NCAM1: variants seen among roughly 807,000 people sequenced by gnomAD.
NCAM1 encodes neural cell adhesion molecule 1, also known as antigen recognized by monoclonal antibody 5.1H11.
Under a neutral mutation model 109.8 loss-of-function variants are expected in NCAM1, and 14 were observed. The observed-to-expected ratio is 0.13, with a 90% CI of 0.08 to 0.20. NCAM1 has a LOEUF of 0.20. Ranked by LOEUF, NCAM1 falls within the 10% of genes least tolerant of loss-of-function variation. NCAM1 has a pLI of 1.00. For synonymous variants in NCAM1, 418 were observed against 442.9 expected, an observed-to-expected ratio of 0.94 and a Z score of 0.70; for missense variants, 774 against 1,109.9, an observed-to-expected ratio of 0.70 and a Z score of 4.30.
chr11:112,973,049 C>T (rs1277250284), intron 1 of NCAM1, among the ~76,000 whole-genome samples: 17 of 152,108 alleles, frequency 1.1e-4, no homozygotes, highest in African/African-American at 4.1e-4. Context: ...CTTCATTTAT[C>T]ATATGAGTTG....
At chr11:113,215,226 G>A (rs1218445957) in intron 8 of NCAM1, among the ~76,000 whole-genome samples, 2 of 152,202 alleles carry the variant, frequency 1.3e-5, no homozygotes, top group African/African-American at 4.8e-5. Flanking sequence ...TATAAAAACT[G>A]AGGTGACCCC....
At chr11:113,243,005 G>C in intron 14 of NCAM1, 1 of 983,886 alleles carries the variant, frequency 1.0e-6, no homozygotes, top group Non-Finnish European at 1.2e-6. Context: ...TAAGCATGCC[G>C]TCTGCTTGGC....
At chr11:113,090,782 C>G (rs1463587033) in intron 1 of NCAM1, among the ~76,000 whole-genome samples, 5 of 152,202 alleles carry the variant, frequency 3.3e-5, no homozygotes, top group African/African-American at 1.2e-4. Context: ...AGTAGCACTT[C>G]TAGGCATAGT....
chr11:113,213,627 C>G (rs1312197010), intron 7 of NCAM1, among the ~76,000 whole-genome samples: 1 of 152,138 alleles, frequency 6.6e-6, no homozygotes, highest in Non-Finnish European at 1.5e-5. Flanking sequence ...CCCTCCTTGC[C>G]CTCTGTTCAG....
chr11:113,193,298 C>T (rs1444356220), intron 1 of NCAM1, among the ~76,000 whole-genome samples: 1 of 152,206 alleles, frequency 6.6e-6, no homozygotes, highest in African/African-American at 2.4e-5. Context: ...CTGTCTCCTG[C>T]TCTTGCTTAT....
chr11:113,240,598 C>A (rs17115246), intron 14 of NCAM1: 1 of 619,658 alleles, frequency 1.6e-6, no homozygotes, highest in Middle Eastern at 3.6e-4. Flanking sequence ...CAAGGTTTGA[C>A]GTTAGAGAGA....
At chr11:113,032,579 T>C (rs1334583333) in intron 1 of NCAM1, among the ~76,000 whole-genome samples, 4 of 152,230 alleles carry the variant, frequency 2.6e-5, no homozygotes, top group African/African-American at 4.8e-5. Context: ...TTTCTTTTCC[T>C]ATGTGCCCAG....
intron 1 of NCAM1, among the ~76,000 whole-genome samples, chr11:113,173,485 GTC>G (rs1943051041): frequency 6.6e-6 from 1 of 151,272 alleles, no homozygotes; most frequent in African/African-American, 2.4e-5. Flanking sequence ...TATGTGCGTG[GTC>G]TCTGCTGTTT....
intron 1 of NCAM1, among the ~76,000 whole-genome samples, chr11:113,182,882 G>T (rs984724472): frequency 3.3e-5 from 5 of 152,224 alleles, no homozygotes; most frequent in Non-Finnish European, 7.3e-5. Context: ...GCCACCATCA[G>T]TGAAGATTGG....
intron 15 of NCAM1, 82 bp from the exon 16 acceptor site, chr11:113,255,795 C>A: frequency 6.7e-7 from 1 of 1,498,368 alleles, no homozygotes; most frequent in Non-Finnish European, 9.1e-7. Flanking sequence ...TCCAGCCCCA[C>A]CCTGTCACTC....
rs183934380 is a variant in NCAM1, at chr11:113,169,359, C to G, written c.53-33020C>G. ...GCAGATTGGCTCCACATTAATAATGCAGAGAGAAAAGATGTTTGCTTAGAA... is the reference window on the plus strand; with the variant it reads ...GCAGATTGGCTCCACATTAATAATGGAGAGAGAAAAGATGTTTGCTTAGAA... On this transcript the variant is annotated intron_variant, in intron 1 of 19. Coordinates refer to ENST00000316851, the MANE Select transcript of NCAM1 (RefSeq NM_181351.5). Among the ~76,000 whole-genome samples, 32 of 152,252 alleles carry G rather than the reference C, an allele frequency of 2.1e-4. 1 individual carries two copies. Among genetic ancestry groups the G allele is most frequent in the Non-Finnish European group, 3.4e-4 (23 of 68,028 alleles).
At chr11:113,169,709 C>A (rs2136445447) in intron 1 of NCAM1, among the ~76,000 whole-genome samples, 1 of 150,214 alleles carries the variant, frequency 6.7e-6, no homozygotes, top group African/African-American at 2.4e-5. Flanking sequence ...CTCACTGCAA[C>A]CTCGGCCTTC....
At chr11:113,188,365 A>G (rs1174711744) in intron 1 of NCAM1, among the ~76,000 whole-genome samples, 1 of 152,212 alleles carries the variant, frequency 6.6e-6, no homozygotes, top group African/African-American at 2.4e-5. Flanking sequence ...ATCTAAGAGC[A>G]GACAGATGTG....
intron 1 of NCAM1, among the ~76,000 whole-genome samples, chr11:112,984,725 G>A (rs61902760): frequency 0.14 from 20,720 of 151,742 alleles, 1,772 homozygotes; most frequent in South Asian, 0.4. Context: ...CAGATCCTTT[G>A]CCCATTTTTA....
At chr11:113,214,180 G>T (rs1425423550) in intron 7 of NCAM1, among the ~76,000 whole-genome samples, 189 bp from the exon 8 acceptor site, 2 of 152,172 alleles carry the variant, frequency 1.3e-5, no homozygotes, top group African/African-American at 4.8e-5. Flanking sequence ...TGATTATTAT[G>T]GTTTCCGTGT....
intron 1 of NCAM1, among the ~76,000 whole-genome samples, chr11:113,193,609 A>C (rs1482074712): frequency 6.6e-6 from 1 of 152,122 alleles, no homozygotes; most frequent in Non-Finnish European, 1.5e-5. Context: ...AGCGAGATCC[A>C]GCCTGGGCAA....
intron 1 of NCAM1, among the ~76,000 whole-genome samples, chr11:113,079,796 T>C (rs1235809348): frequency 1.3e-5 from 2 of 152,214 alleles, no homozygotes; most frequent in African/African-American, 4.8e-5. Context: ...CCCTGACTGT[T>C]TTCCTGGCCA....
intron 15 of NCAM1, among the ~76,000 whole-genome samples, chr11:113,249,559 A>G (rs1379890879): frequency 2.0e-5 from 3 of 152,342 alleles, no homozygotes; most frequent in Admixed American, 2.0e-4. Context: ...AATGTCCATG[A>G]AATAGAGTTG....
intron 9 of NCAM1, among the ~76,000 whole-genome samples, chr11:113,226,101 A>T (rs1479647258): frequency 6.6e-6 from 1 of 152,226 alleles, no homozygotes; most frequent in Admixed American, 6.5e-5. Context: ...TTAAATGTAA[A>T]TGGGCTAAAT....
Sources: gnomAD v4.1 joint callset for allele counts (sites outside exome capture counted in the v4.1 genomes callset) on GRCh38, gnomAD v4.1.1 for gene constraint, MANE v1.5 for transcripts, NCBI Gene and HGNC (gene_info 2026-07-23, HGNC 2026-07-21) for gene names.